Variants in ATF6 observed in about 807,000 individuals in gnomAD.
ATF6 encodes the protein activating transcription factor 6.
ATF6 carries 53 observed loss-of-function variants against 83.6 expected under a neutral mutation model. The ratio of observed to expected loss-of-function variants is 0.63; its 90% confidence interval spans 0.51 to 0.80. The LOEUF (loss-of-function observed/expected upper bound fraction) is 0.80. Among genes scored for constraint, ATF6 ranks in the 30% least tolerant of loss-of-function variants. ATF6 has a pLI of 0.00. For missense variants in ATF6, 744 were observed against 797.9 expected, an observed-to-expected ratio of 0.93 and a Z score of 0.81; for synonymous variants, 288 against 285.8, an observed-to-expected ratio of 1.01 and a Z score of -0.08.
At chr1:161,862,778 T>C (rs1463992113) in intron 13 of ATF6, among the ~76,000 whole-genome samples, 1 of 152,190 alleles carries the variant, frequency 6.6e-6, no homozygotes, top group Non-Finnish European at 1.5e-5. Context: ...TTCCACCTTT[T>C]TGCACAGCCT....
chr1:161,958,215 T>C (rs1261217684), intron 15 of ATF6, among the ~76,000 whole-genome samples: 2 of 152,038 alleles, frequency 1.3e-5, no homozygotes, highest in South Asian at 2.1e-4. Context: ...CTTTAGCCGT[T>C]GTTTAGTCAA....
chr1:161,937,668 C>T (rs1688564500), intron 15 of ATF6, among the ~76,000 whole-genome samples: 2 of 151,154 alleles, frequency 1.3e-5, no homozygotes, highest in African/African-American at 2.4e-5. Flanking sequence ...CATGTTCTCA[C>T]TCATAAGTGG....
At chr1:161,860,159 A>G in intron 12 of ATF6, 48 bp from the exon 13 acceptor site, 1 of 1,354,992 alleles carries the variant, frequency 7.4e-7, no homozygotes, top group East Asian at 2.4e-5. Flanking sequence ...AAGATTTCAT[A>G]TAATTTTGTG....
chr1:161,924,377 A>G (rs1688269431), intron 15 of ATF6, among the ~76,000 whole-genome samples: 1 of 152,220 alleles, frequency 6.6e-6, no homozygotes, highest in African/African-American at 2.4e-5. Context: ...TTTACAAATA[A>G]AAGTTAGAGA....
At chr1:161,816,073 C>T (rs950206529) in intron 7 of ATF6, among the ~76,000 whole-genome samples, 32 of 152,336 alleles carry the variant, frequency 2.1e-4, no homozygotes, top group African/African-American at 7.2e-4. Flanking sequence ...TTCTTACAGT[C>T]AAATAAGTGT....
chr1:161,863,307 C>G lies in ATF6; in HGVS notation c.1714C>G (p.Arg572Gly), dbSNP rs760001414. 10 of 1,602,908 alleles carry G rather than the reference C, an allele frequency of 6.2e-6. No individual in the cohort carries two copies. Among genetic ancestry groups the G allele is most frequent in the Non-Finnish European group, 8.5e-6 (10 of 1,170,154 alleles). Reference sequence around the variant, plus strand: ...AGACACATTTTATGTTGTGTCATTTCGAAGGGTAAGTTCATCTTGAAAGAA... The same window carrying G: ...AGACACATTTTATGTTGTGTCATTTGGAAGGGTAAGTTCATCTTGAAAGAA... ...RGDTFYVVSF[R>G]RDHLLLPATT... The change falls in exon 14 of 16, where the codon CGA becomes GGA. Residue 572 changes from arginine (R) to glycine (G), a missense_variant. Transcript: ENST00000367942.
intron 12 of ATF6, among the ~76,000 whole-genome samples, chr1:161,859,783 A>C (rs1423398518): frequency 6.6e-6 from 1 of 152,218 alleles, no homozygotes; most frequent in Non-Finnish European, 1.5e-5. Context: ...GTATTTTGGC[A>C]TGAAGATCTC....
chr1:161,920,278 T>TTCTCTC (rs1312606651), intron 15 of ATF6, among the ~76,000 whole-genome samples: 1 of 117,022 alleles, frequency 8.5e-6, no homozygotes, highest in African/African-American at 3.4e-5. Context: ...ATAGTTCTCT[T>TTCTCTC]TCTCTCTCTC....
At chr1:161,766,505 C>T (rs1684267189) in intron 1 of ATF6, 63 bp downstream of exon 1, 3 of 1,519,354 alleles carry the variant, frequency 2.0e-6, no homozygotes, top group Non-Finnish European at 2.7e-6. Context: ...TTCTTCCTCC[C>T]TACTTCCGCC....
rs569973462 is a variant in ATF6 at position 161,848,674 on chromosome 1, A to G, written c.1319+2094A>G. Among the ~76,000 whole-genome samples the G allele has an allele frequency of 1.7e-3, 266 of 152,308 alleles. 1 individual carries two copies. Among genetic ancestry groups the G allele is most frequent in the Non-Finnish European group, 2.9e-3 (194 of 67,998 alleles). Reference sequence around the variant, plus strand: ...AAATGAGAAAGGATGGTCACCCTATATAAGATGTCACCCAGAACTGATCTT... The same window carrying G: ...AAATGAGAAAGGATGGTCACCCTATGTAAGATGTCACCCAGAACTGATCTT... On this transcript the variant is annotated intron_variant, in intron 10 of 15. Coordinates refer to ENST00000367942, the MANE Select transcript of ATF6 (RefSeq NM_007348.4).
At chr1:161,800,994 G>A (rs539514446) in intron 6 of ATF6, among the ~76,000 whole-genome samples, 2 of 152,222 alleles carry the variant, frequency 1.3e-5, no homozygotes, top group East Asian at 3.9e-4. Flanking sequence ...AGCGTTAACA[G>A]CATCATCTTC....
chr1:161,789,252 CTTTTTTTT>C (rs71755584), intron 4 of ATF6, among the ~76,000 whole-genome samples: 1 of 101,380 alleles, frequency 9.9e-6, no homozygotes, highest in Non-Finnish European at 1.8e-5. Context: ...ATTCCTTCTC[CTTTTTTTT>C]TTTTTTTTTT....
At chr1:161,891,327 A>T (rs1687550753) in intron 14 of ATF6, 1 of 152,300 alleles carries the variant, frequency 6.6e-6, no homozygotes, top group Admixed American at 6.5e-5. Context: ...CACAGTGCAC[A>T]TGTAGGTGCA....
chr1:161,872,085 ATAATCTT>A (rs1687135116), intron 14 of ATF6, among the ~76,000 whole-genome samples: 1 of 151,688 alleles, frequency 6.6e-6, no homozygotes, highest in African/African-American at 2.4e-5. Flanking sequence ...ACACAATACG[ATAATCTT>A]TAATCTTTAT....
At chr1:161,946,680 G>A (rs1472312553) in intron 15 of ATF6, among the ~76,000 whole-genome samples, 3 of 152,138 alleles carry the variant, frequency 2.0e-5, no homozygotes, top group African/African-American at 7.2e-5. Flanking sequence ...ACAGTTAAAT[G>A]GAACACTGGA....
intron 15 of ATF6, among the ~76,000 whole-genome samples, chr1:161,914,497 C>T (rs950846292): frequency 1.3e-5 from 2 of 152,206 alleles, no homozygotes; most frequent in Non-Finnish European, 2.9e-5. Flanking sequence ...GTCATTAGTA[C>T]TCTAGCCTTT....
intron 14 of ATF6, among the ~76,000 whole-genome samples, chr1:161,885,400 G>A (rs1418457812): frequency 6.6e-6 from 1 of 152,070 alleles, no homozygotes; most frequent in African/African-American, 2.4e-5. Flanking sequence ...AGTTATTTAA[G>A]TGAGGCCTGT....
intron 9 of ATF6, among the ~76,000 whole-genome samples, chr1:161,823,054 C>A (rs1685803369): frequency 6.6e-6 from 1 of 151,908 alleles, no homozygotes; most frequent in African/African-American, 2.4e-5. Flanking sequence ...TTTAGCAATT[C>A]TCTTTAGGTC....
At chr1:161,846,304 C>G (rs774045469) in intron 9 of ATF6, 145 bp from the exon 10 acceptor site, 4 of 793,142 alleles carry the variant, frequency 5.0e-6, no homozygotes, top group Non-Finnish European at 7.5e-6. Flanking sequence ...CTTCAGTACC[C>G]TATTTGTACT....
Sources: allele counts gnomAD v4.1 joint callset (sites outside exome capture counted in the v4.1 genomes callset), GRCh38; gene constraint gnomAD v4.1.1; transcripts MANE v1.5; gene names NCBI Gene and HGNC (gene_info 2026-07-23, HGNC 2026-07-21).